The following IGF1R variants were observed in gnomAD, a reference collection of about 807,000 sequenced individuals.
IGF1R encodes insulin-like growth factor 1 receptor.
Under a neutral mutation model 144.6 loss-of-function variants are expected in IGF1R, and 44 were observed. That is an observed-to-expected ratio of 0.30 (90% confidence interval 0.24 to 0.39). The LOEUF (loss-of-function observed/expected upper bound fraction) is 0.39. Among genes scored for constraint, IGF1R ranks in the 10% least tolerant of loss-of-function variants. The pLI is 1.00. For missense variants in IGF1R, 1,355 were observed against 1,833.7 expected (o/e 0.74, Z 4.77); for synonymous variants, 795 against 722.8 (o/e 1.10, Z -1.60).
chr15:98,700,295 A>G (rs1222770602), intron 1 of IGF1R, among the ~76,000 whole-genome samples: 2 of 151,844 alleles, frequency 1.3e-5, no homozygotes, highest in South Asian at 2.1e-4. Flanking sequence ...TTTGTTTCGT[A>G]GTTTCTTCGG....
chr15:98,853,865 G>A (rs1202327466), intron 2 of IGF1R, among the ~76,000 whole-genome samples: 1 of 152,176 alleles, frequency 6.6e-6, no homozygotes, highest in South Asian at 2.1e-4. Flanking sequence ...GTAAGGCGTG[G>A]CCTGGGTGGC....
chr15:98,878,783 G>A (rs2013214443), intron 2 of IGF1R, among the ~76,000 whole-genome samples: 1 of 151,694 alleles, frequency 6.6e-6, no homozygotes, highest in South Asian at 2.1e-4. Flanking sequence ...ACAAGGTCAG[G>A]AGAGCGAGAC....
In IGF1R at chr15:98,721,878, A is replaced by G. The variant is rs142880467; in HGVS notation, c.640+13771A>G. On this transcript the variant is annotated intron_variant, in intron 2 of 20. Coordinates refer to ENST00000650285, the MANE Select transcript of IGF1R (RefSeq NM_000875.5). Reference sequence around the variant, plus strand: ...TCTTCACTTTGCTGACTTGTGAATTATTTGGGGTCCTATGGTCCTCCCCAT... The same window carrying G: ...TCTTCACTTTGCTGACTTGTGAATTGTTTGGGGTCCTATGGTCCTCCCCAT... Among the ~76,000 whole-genome samples the G allele has an allele frequency of 1.6e-3, 245 of 152,272 alleles. 3 individuals are homozygous for G. Among genetic ancestry groups the G allele is most frequent in the African/African-American group, 5.6e-3 (234 of 41,564 alleles).
intron 1 of IGF1R, among the ~76,000 whole-genome samples, chr15:98,671,015 C>G (rs1412406482): frequency 1.3e-5 from 2 of 152,070 alleles, no homozygotes; most frequent in Admixed American, 1.3e-4. Flanking sequence ...ATAAAGGTGC[C>G]CTCTTTTCCC....
intron 2 of IGF1R, among the ~76,000 whole-genome samples, chr15:98,732,161 C>T (rs1339991400): frequency 6.6e-6 from 1 of 152,092 alleles, no homozygotes; most frequent in African/African-American, 2.4e-5. Flanking sequence ...TGGTGCATAT[C>T]TTATTAGAGC....
chr15:98,707,922 T>G lies in IGF1R; in HGVS notation c.455T>G (p.Leu152Arg). ...RIEKNADLCY[L>R]STVDWSLILD... is the part of the protein sequence containing the mutation. ...GAGAAAAATGCTGACCTCTGTTACC[T>G]CTCCACTGTGGACTGGTCCCTGATC... is the stretch of plus-strand genomic sequence containing the variant. Residue 152 changes from leucine (L) to arginine (R), a missense_variant, in exon 2 of 21, where the codon CTC becomes CGC. Around this residue, in one of 7 missense-constraint regions of IGF1R, gnomAD observed 880 missense variants for 1,202.7 expected, o/e 0.73. Transcript: ENST00000650285. The surrounding 1 kb of genome is among the most constrained non-coding windows in gnomAD (Gnocchi z 6.7). The G allele has an allele frequency of 1.9e-6, 3 of 1,614,110 alleles. No individual in the cohort carries two copies. Among genetic ancestry groups the G allele is most frequent in the Non-Finnish European group, 2.5e-6 (3 of 1,179,982 alleles).
chr15:98,806,889 G>C (rs570981895), intron 2 of IGF1R, among the ~76,000 whole-genome samples: 1 of 152,138 alleles, frequency 6.6e-6, no homozygotes, highest in Non-Finnish European at 1.5e-5. Flanking sequence ...GGTCAGGCGC[G>C]GTGGCTCACA....
At chr15:98,826,041 T>C (rs1432400071) in intron 2 of IGF1R, among the ~76,000 whole-genome samples, 4 of 152,206 alleles carry the variant, frequency 2.6e-5, no homozygotes, top group Admixed American at 1.3e-4. Context: ...TGAAATGGTA[T>C]AGTCTGTGTG....
intron 2 of IGF1R, among the ~76,000 whole-genome samples, chr15:98,728,405 G>A (rs1191347394): frequency 3.3e-5 from 5 of 152,190 alleles, no homozygotes; most frequent in Non-Finnish European, 7.3e-5. Context: ...CCCGGTTAAG[G>A]GGACAGCAGA....
intron 2 of IGF1R, among the ~76,000 whole-genome samples, chr15:98,882,222 G>A (rs936553806): frequency 2.0e-5 from 3 of 152,226 alleles, no homozygotes; most frequent in African/African-American, 7.2e-5. Context: ...TTGGAATATT[G>A]TTTGAAAGTC....
At chr15:98,765,269 T>C (rs925378791) in intron 2 of IGF1R, among the ~76,000 whole-genome samples, 2 of 151,686 alleles carry the variant, frequency 1.3e-5, no homozygotes, top group African/African-American at 4.9e-5. Context: ...GTAAACTTAA[T>C]GTATATCTCT....
chr15:98,911,592 GCA>G (rs2015022755), intron 7 of IGF1R, 151 bp downstream of exon 7: 2 of 998,542 alleles, frequency 2.0e-6, no homozygotes, highest in African/African-American at 1.6e-5. Context: ...TCATCCTCAT[GCA>G]CCCTCTCGGG....
chr15:98,956,499 A>C lies in IGF1R; in HGVS notation c.3723-562A>C, dbSNP rs533174564. Among the ~76,000 whole-genome samples the C allele has an allele frequency of 4.6e-5, 7 of 152,330 alleles. No individual in the cohort carries two copies. In the South Asian group the frequency reaches 1.4e-3, roughly 32 times the overall value. Reference sequence around the variant, plus strand: ...GGAGTGTGCATTTCTTCGTGTTGCAAGCCTGGCCTCACAGTGCCTTCTTCC... The same window carrying C: ...GGAGTGTGCATTTCTTCGTGTTGCACGCCTGGCCTCACAGTGCCTTCTTCC... On this transcript the variant is annotated intron_variant, in intron 20 of 20. Coordinates refer to ENST00000650285, the MANE Select transcript of IGF1R (RefSeq NM_000875.5).
intron 5 of IGF1R, among the ~76,000 whole-genome samples, chr15:98,903,329 A>T (rs970079875): frequency 3.3e-5 from 5 of 152,216 alleles, no homozygotes; most frequent in African/African-American, 1.2e-4. Context: ...GAAAAAGTAG[A>T]TGGAGGGTGG....
At chr15:98,786,868 C>T (rs1156911055) in intron 2 of IGF1R, among the ~76,000 whole-genome samples, 1 of 152,226 alleles carries the variant, frequency 6.6e-6, no homozygotes, top group Non-Finnish European at 1.5e-5. Context: ...CCTTTCCCCA[C>T]TTTGTTGCCG....
In IGF1R at chr15:98,960,162, C is replaced by T. The variant is rs1176129122; in HGVS notation, c.*2720C>T. On this transcript the variant is annotated 3_prime_UTR_variant, in exon 21 of 21. Coordinates refer to ENST00000650285, the MANE Select transcript of IGF1R (RefSeq NM_000875.5). ...CCGTTGATACTGGTAACCTCATCCA[C>T]GCCACAGGCGCCACACCCAGGTGAT... 5 of 233,592 alleles carry T rather than the reference C, an allele frequency of 2.1e-5. No individual in the cohort carries two copies. The highest frequency in any genetic ancestry group is 3.4e-5 in the Non-Finnish European group (4 of 118,072). 14.5% of individuals were successfully genotyped at this position (233,592 alleles called of 1,614,324 possible). A position where few individuals can be genotyped will look rare whatever the true frequency, so the allele number is the denominator to read the frequency against.
chr15:98,848,156 C>G (rs1298623322), intron 2 of IGF1R, among the ~76,000 whole-genome samples: 1 of 152,108 alleles, frequency 6.6e-6, no homozygotes, highest in Non-Finnish European at 1.5e-5. Flanking sequence ...TCCCTGTGGT[C>G]CAGTATTTCA....
intron 2 of IGF1R, among the ~76,000 whole-genome samples, chr15:98,743,071 T>C (rs1462089369): frequency 6.6e-6 from 1 of 152,190 alleles, no homozygotes; most frequent in Non-Finnish European, 1.5e-5. Flanking sequence ...TCATAGTAAA[T>C]AGGTTTTGTT....
At chr15:98,816,098 C>T (rs1253903291) in intron 2 of IGF1R, among the ~76,000 whole-genome samples, 1 of 152,186 alleles carries the variant, frequency 6.6e-6, no homozygotes, top group African/African-American at 2.4e-5. Flanking sequence ...CCTACTTTCC[C>T]AGTCTTGCCT....
Sources: gnomAD v4.1 joint callset for allele counts (sites outside exome capture counted in the v4.1 genomes callset) on GRCh38, gnomAD v4.1.1 for gene constraint, gnomAD v4.1.1 regional missense constraint, Gnocchi (gnomAD v3.1) non-coding constraint, MANE v1.5 for transcripts, NCBI Gene and HGNC (gene_info 2026-07-23, HGNC 2026-07-21) for gene names.